The following PPARGC1A variants were observed in gnomAD, a reference collection of about 807,000 sequenced individuals.
PPARGC1A encodes peroxisome proliferator-activated receptor gamma coactivator 1-alpha.
A neutral mutation model predicts 88.7 loss-of-function variants in PPARGC1A; 25 were observed. The observed-to-expected ratio is 0.28, with a 90% CI of 0.21 to 0.39. The LOEUF is 0.39. Among genes scored for constraint, PPARGC1A ranks in the 10% least tolerant of loss-of-function variants. PPARGC1A has a pLI of 1.00. For missense variants in PPARGC1A, 880 were observed against 968.7 expected (o/e 0.91, Z 1.22); for synonymous variants, 363 against 355.6 (o/e 1.02, Z -0.24).
chr4:24,102,933 G>A, the PPARGC1A span, among the ~76,000 whole-genome samples: 3 of 152,124 alleles, frequency 2.0e-5, no homozygotes, highest in Non-Finnish European at 4.4e-5. Context: ...ACCAAATTAA[G>A]CCAAGTCTGC....
In PPARGC1A at chr4:23,835,331, G is replaced by A. The variant is rs535504935; in HGVS notation, c.235-3580C>T. Among the ~76,000 whole-genome samples, 6 of 152,234 alleles carry A rather than the reference G, an allele frequency of 3.9e-5. No homozygotes were observed. The South Asian group carries it at 1.0e-3, about 26-fold the overall frequency. ...GGGAGAATGTATAACAAATACAATG[G>A]CAAAAATATTGGAGCTTGATAATGT... On this transcript the variant is annotated intron_variant, in intron 2 of 12. Transcript: ENST00000264867.
chr4:24,263,938 T>TG, the PPARGC1A span, among the ~76,000 whole-genome samples: 1 of 151,938 alleles, frequency 6.6e-6, no homozygotes, highest in African/African-American at 2.4e-5. Context: ...TTTGTAGTGA[T>TG]GGGGTCTCAT....
the PPARGC1A span, among the ~76,000 whole-genome samples, chr4:24,166,780 T>G: frequency 6.6e-6 from 1 of 152,218 alleles, no homozygotes; most frequent in Non-Finnish European, 1.5e-5. Context: ...AAGCCCAGTC[T>G]TGAGACTTAC....
At chr4:23,974,118 T>G in the PPARGC1A span, among the ~76,000 whole-genome samples, 1 of 152,110 alleles carries the variant, frequency 6.6e-6, no homozygotes, top group Non-Finnish European at 1.5e-5. Context: ...GATCGAGAGC[T>G]AAGAATTAGT....
At chr4:23,961,763 G>A in the PPARGC1A span, among the ~76,000 whole-genome samples, 1 of 151,964 alleles carries the variant, frequency 6.6e-6, no homozygotes, top group Non-Finnish European at 1.5e-5. Flanking sequence ...AAATGGCCAT[G>A]TTCTTCGCCT....
the PPARGC1A span, among the ~76,000 whole-genome samples, chr4:24,472,138 G>A: frequency 1.3e-5 from 2 of 152,224 alleles, no homozygotes; most frequent in South Asian, 2.1e-4. The surrounding 1 kb of genome is among the most constrained non-coding windows in gnomAD (Gnocchi z 4.5). Context: ...GGGGGAAGGT[G>A]TCGATGGCAG....
the PPARGC1A span, among the ~76,000 whole-genome samples, chr4:24,285,422 G>A: frequency 1.3e-5 from 2 of 152,078 alleles, no homozygotes; most frequent in Non-Finnish European, 2.9e-5. Context: ...GGTGAAAGGG[G>A]GCTGTAAAAA....
chr4:24,099,147 A>G, the PPARGC1A span, among the ~76,000 whole-genome samples: 3,588 of 151,532 alleles, frequency 0.024, 146 homozygotes, highest in African/African-American at 0.078. Context: ...ATCTGAAGTC[A>G]TAAGCCCCCA....
intron 2 of PPARGC1A, among the ~76,000 whole-genome samples, chr4:23,872,801 T>C (rs1330161099): frequency 1.3e-5 from 2 of 152,034 alleles, no homozygotes; most frequent in African/African-American, 4.8e-5. Context: ...AGTAAATAAG[T>C]GAGAGATGAA....
chr4:24,387,772 GAAAGAAAGAAAGAAAGAA>G, the PPARGC1A span, among the ~76,000 whole-genome samples: 3 of 58,028 alleles, frequency 5.2e-5, no homozygotes, highest in African/African-American at 1.7e-4. Context: ...GAGAGAGAAA[GAAAGAAAGAAAGAAAGAA>G]AGAAAGAAAG....
chr4:24,318,002 G>C, the PPARGC1A span, among the ~76,000 whole-genome samples: 3 of 152,166 alleles, frequency 2.0e-5, no homozygotes, highest in Non-Finnish European at 4.4e-5. Flanking sequence ...AAGTTCTGTC[G>C]TGATTAAAGC....
At chr4:23,949,144 C>T in the PPARGC1A span, among the ~76,000 whole-genome samples, 1 of 152,108 alleles carries the variant, frequency 6.6e-6, no homozygotes, top group African/African-American at 2.4e-5. Flanking sequence ...AATCAAAATA[C>T]AGATCAATTA....
At chr4:24,046,595 A>G in the PPARGC1A span, among the ~76,000 whole-genome samples, 1 of 152,166 alleles carries the variant, frequency 6.6e-6, no homozygotes, top group Admixed American at 6.5e-5. Context: ...TGCTCAGGAT[A>G]AAATCTAAGA....
At chr4:24,068,214 A>C in the PPARGC1A span, among the ~76,000 whole-genome samples, 2 of 23,770 alleles carry the variant, frequency 8.4e-5, no homozygotes, top group African/African-American at 2.9e-4. Context: ...CCACGGAAGG[A>C]ATGATGATGG....
chr4:24,288,037 A>T, the PPARGC1A span, among the ~76,000 whole-genome samples: 467 of 152,024 alleles, frequency 3.1e-3, 4 homozygotes, highest in Non-Finnish European at 5.8e-3. Flanking sequence ...GGTGCCCTCC[A>T]AGTAAACCCT....
chr4:24,077,624 GGTGT>G, the PPARGC1A span, among the ~76,000 whole-genome samples: 25,883 of 130,688 alleles, frequency 0.2, 2,496 homozygotes, highest in Admixed American at 0.28. Context: ...TGTGTCTAGG[GGTGT>G]GTGTGTGTGT....
chr4:24,331,601 T>G, the PPARGC1A span, among the ~76,000 whole-genome samples: 1 of 152,172 alleles, frequency 6.6e-6, no homozygotes, highest in Non-Finnish European at 1.5e-5. Flanking sequence ...GCATATTTGT[T>G]GATTGAATCT....
chr4:24,282,358 C>T, the PPARGC1A span, among the ~76,000 whole-genome samples: 1 of 152,224 alleles, frequency 6.6e-6, no homozygotes, highest in Non-Finnish European at 1.5e-5. Context: ...TATTTCTGCA[C>T]ACAAAGAAAC....
At chr4:23,819,802 C>T (rs1003074703) in intron 7 of PPARGC1A, among the ~76,000 whole-genome samples, 1 of 151,960 alleles carries the variant, frequency 6.6e-6, no homozygotes, top group African/African-American at 2.4e-5. Flanking sequence ...TTTGTTGGGT[C>T]TTCCTTTCTT....
Sources: gnomAD v4.1 joint callset for allele counts (sites outside exome capture counted in the v4.1 genomes callset) on GRCh38, gnomAD v4.1.1 for gene constraint, Gnocchi (gnomAD v3.1) non-coding constraint, MANE v1.5 for transcripts, NCBI Gene and HGNC (gene_info 2026-07-23, HGNC 2026-07-21) for gene names.